Variants in ZEB1 observed in about 807,000 individuals in gnomAD.
ZEB1 encodes zinc finger E-box-binding homeobox 1.
A neutral mutation model predicts 84.9 loss-of-function variants in ZEB1; 21 were observed. The observed-to-expected ratio is 0.25, with a 90% CI of 0.18 to 0.36. The LOEUF is 0.36. Among genes scored for constraint, ZEB1 ranks in the 10% least tolerant of loss-of-function variants. The pLI, the probability that ZEB1 is intolerant of heterozygous loss-of-function variation, is 1.00. For synonymous variants in ZEB1, 420 were observed against 471.1 expected, an observed-to-expected ratio of 0.89 and a Z score of 1.41; for missense variants, 1,104 against 1,330.2, an observed-to-expected ratio of 0.83 and a Z score of 2.65.
chr10:31,361,787 T>C (rs563737688), intron 1 of ZEB1, among the ~76,000 whole-genome samples: 1 of 150,280 alleles, frequency 6.7e-6, no homozygotes, highest in African/African-American at 2.5e-5. Context: ...CACTCCTCAC[T>C]TCACAGACAG....
chr10:31,347,318 G>T (rs1157044674), intron 1 of ZEB1, among the ~76,000 whole-genome samples: 1 of 152,148 alleles, frequency 6.6e-6, no homozygotes, highest in East Asian at 1.9e-4. Flanking sequence ...CTCTCACTCA[G>T]TGAAGATCTA....
At chr10:31,327,172 G>A (rs527750273) in intron 1 of ZEB1, among the ~76,000 whole-genome samples, 84 of 144,958 alleles carry the variant, frequency 5.8e-4, no homozygotes, top group Admixed American at 1.6e-3. Context: ...GTGTAAAGGC[G>A]CGATATCAGC....
intron 2 of ZEB1, among the ~76,000 whole-genome samples, chr10:31,481,986 G>A (rs1387119171): frequency 6.6e-6 from 1 of 151,956 alleles, no homozygotes; most frequent in Non-Finnish European, 1.5e-5. Context: ...ATTAAAATAA[G>A]TGGGTGAAAG....
At chr10:31,322,744 G>A (rs112393892) in intron 1 of ZEB1, among the ~76,000 whole-genome samples, 1 of 138,108 alleles carries the variant, frequency 7.2e-6, no homozygotes, top group Non-Finnish European at 1.5e-5. Flanking sequence ...TTTTCTTCTT[G>A]TTCTACCTTT....
At chr10:31,449,870 A>C (rs1368870043) in intron 1 of ZEB1, among the ~76,000 whole-genome samples, 1 of 152,326 alleles carries the variant, frequency 6.6e-6, no homozygotes, top group African/African-American at 2.4e-5. Flanking sequence ...TTGCATATAT[A>C]CCTATTTTCA....
intron 2 of ZEB1, among the ~76,000 whole-genome samples, chr10:31,471,937 T>G (rs1305305104): frequency 3.6e-5 from 5 of 139,622 alleles, no homozygotes; most frequent in African/African-American, 1.3e-4. Context: ...ACATGGAAAC[T>G]GAACAACCTG....
chr10:31,351,648 A>G (rs957414492), intron 1 of ZEB1, among the ~76,000 whole-genome samples: 2 of 152,174 alleles, frequency 1.3e-5, no homozygotes, highest in Non-Finnish European at 2.9e-5. Flanking sequence ...TTCTTTGATA[A>G]TGTCACTACT....
At position 31,376,476 on chromosome 10, in the gene ZEB1, G is replaced by A. The variant is rs541852852; in HGVS notation, c.58+57184G>A. Among the ~76,000 whole-genome samples, 78 of 151,838 alleles carry A rather than the reference G, an allele frequency of 5.1e-4. 1 individual carries two copies. Among genetic ancestry groups the A allele is most frequent in the Non-Finnish European group, 2.8e-4 (19 of 67,714 alleles). Reference sequence around the variant, plus strand: ...GCAGGTTTCTGAGATACCAAGAAACGTGAATATGAGCAGAATAAACACATG... The same window carrying A: ...GCAGGTTTCTGAGATACCAAGAAACATGAATATGAGCAGAATAAACACATG... On this transcript the variant is annotated intron_variant, in intron 1 of 8. Transcript: ENST00000424869.
At chr10:31,472,907 C>T (rs1469318552) in intron 2 of ZEB1, among the ~76,000 whole-genome samples, 2 of 124,944 alleles carry the variant, frequency 1.6e-5, no homozygotes, top group South Asian at 2.3e-4. Context: ...GTTCAATATA[C>T]CCAAATCAAT....
intron 1 of ZEB1, among the ~76,000 whole-genome samples, chr10:31,430,150 T>G (rs2057538079): frequency 6.6e-6 from 1 of 152,232 alleles, no homozygotes; most frequent in African/African-American, 2.4e-5. Flanking sequence ...ATCTTTTGAA[T>G]TTCTTATTAA....
At chr10:31,334,451 T>C (rs1486530684) in intron 1 of ZEB1, among the ~76,000 whole-genome samples, 3 of 152,116 alleles carry the variant, frequency 2.0e-5, no homozygotes, top group Admixed American at 1.3e-4. Context: ...CGACAACTTA[T>C]GTATAGCTAA....
rs1486695128 is a variant in ZEB1 at position 31,529,091 on chromosome 10, A to T, written c.*1827A>T. 1 of 152,188 alleles carries T rather than the reference A, an allele frequency of 6.6e-6. No individual in the cohort carries two copies. The highest frequency in any genetic ancestry group is 6.5e-5 in the Admixed American group (1 of 15,276). The allele number at this position is 152,188 out of a possible 1,614,324, so 9.4% of individuals were successfully genotyped here. A position where few individuals can be genotyped will look rare whatever the true frequency, so the allele number is the denominator to read the frequency against. ...TGCCAATTTGTTCCTGTATTCATGT[A>T]TGTAAGTTACAGATCTGACTCTTCA... On this transcript the variant is annotated 3_prime_UTR_variant, in exon 9 of 9. Transcript: ENST00000424869.
At chr10:31,360,195 C>T (rs948813903) in intron 1 of ZEB1, among the ~76,000 whole-genome samples, 3 of 152,134 alleles carry the variant, frequency 2.0e-5, no homozygotes, top group Non-Finnish European at 4.4e-5. Context: ...ATGCCATAGT[C>T]TCTTTTTTAA....
upstream of ZEB1, chr10:31,319,019 GTGCCCACGGT>G (rs1230180555): frequency 1.6e-6 from 1 of 617,194 alleles, no homozygotes; most frequent in African/African-American, 1.8e-5. Flanking sequence ...AAATTCAGCA[GTGCCCACGGT>G]TGCCGCAAAC....
chr10:31,524,156 T>C (rs1248083528), intron 8 of ZEB1, 43 bp downstream of exon 8: 1 of 1,565,768 alleles, frequency 6.4e-7, no homozygotes, highest in Non-Finnish European at 8.7e-7. Flanking sequence ...TGATATGATA[T>C]ACTGGAAGAT....
chr10:31,406,626 C>T (rs908978487), intron 1 of ZEB1, among the ~76,000 whole-genome samples: 3 of 151,166 alleles, frequency 2.0e-5, no homozygotes, highest in Admixed American at 1.3e-4. Context: ...CAAAAATCTT[C>T]TCCCATTCTC....
At chr10:31,515,655 C>T (rs2070948195) in intron 6 of ZEB1, among the ~76,000 whole-genome samples, 1 of 152,012 alleles carries the variant, frequency 6.6e-6, no homozygotes, top group African/African-American at 2.4e-5. Flanking sequence ...AAAAGTTTTA[C>T]TGTATTGCTC....
At chr10:31,519,283 C>G (rs2071802526) in intron 6 of ZEB1, among the ~76,000 whole-genome samples, 1 of 152,138 alleles carries the variant, frequency 6.6e-6, no homozygotes, top group Non-Finnish European at 1.5e-5. Flanking sequence ...TTCCATTTAG[C>G]TCGGTGCTTT....
chr10:31,383,965 CTTTTTTTTTTTTTTTT>C (rs66865546), intron 1 of ZEB1, among the ~76,000 whole-genome samples: 2 of 56,374 alleles, frequency 3.5e-5, no homozygotes, highest in African/African-American at 7.2e-5. Flanking sequence ...TAGATTAGTG[CTTTTTTTTTTTTTTTT>C]TTTTTTTTTT....
Sources: gnomAD v4.1 joint callset for allele counts (sites outside exome capture counted in the v4.1 genomes callset) on GRCh38, gnomAD v4.1.1 for gene constraint, MANE v1.5 for transcripts, NCBI Gene and HGNC (gene_info 2026-07-23, HGNC 2026-07-21) for gene names.